ASB18: variants seen among roughly 807,000 people sequenced by gnomAD.
The protein encoded by ASB18 is ankyrin repeat and SOCS box containing 18.
A neutral mutation model predicts 33.4 loss-of-function variants in ASB18; 33 were observed. That is an observed-to-expected ratio of 0.99 (90% CI 0.75 to 1.32). ASB18 has a LOEUF of 1.32. Ranked by LOEUF, ASB18 falls within the 40% of genes most tolerant of loss-of-function variation. ASB18 has a pLI of 0.00. For synonymous variants in ASB18, 295 were observed against 307.6 expected (o/e 0.96, Z 0.43); for missense variants, 694 against 655.5 (o/e 1.06, Z -0.64).
In ASB18 at chr2:236,195,169, C is replaced by T; in HGVS notation, c.1216-112G>A. On this transcript the variant is annotated intron_variant, in intron 5 of 5. Transcript: ENST00000409749. The surrounding 1 kb of genome is among the most constrained non-coding windows in gnomAD (Gnocchi z 5.5). Reference sequence around the variant, plus strand: ...CGGGCTTTTCTATGGCTAACTGATCCCAGATAAGCGCACTGGAGGGAGACG... The same window carrying T: ...CGGGCTTTTCTATGGCTAACTGATCTCAGATAAGCGCACTGGAGGGAGACG... 1.0e-6 allele frequency: 1 copy of T among 980,964 alleles called. No homozygotes were observed. Among genetic ancestry groups the T allele is most frequent in the Non-Finnish European group, 1.5e-6 (1 of 664,458 alleles). 60.8% of individuals were successfully genotyped at this position (980,964 alleles called of 1,614,324 possible).
Position 236,214,680 on chromosome 2 carries a change from A to C in ASB18, c.783T>G (p.Gly261=). 1.8e-6 allele frequency: 2 copies of C among 1,141,986 alleles called. No individual in the cohort carries two copies. The highest frequency in any genetic ancestry group is 1.1e-6 in the Non-Finnish European group (1 of 931,622). 70.7% of individuals were successfully genotyped at this position (1,141,986 alleles called of 1,614,324 possible). Residue 261 remains glycine, a synonymous_variant, in exon 4 of 6, where the codon GGT becomes GGG. Coordinates refer to ENST00000409749, the MANE Select transcript of ASB18 (RefSeq NM_212556.4). The surrounding 1 kb of genome is among the most constrained non-coding windows in gnomAD (Gnocchi z 6.5). ...CGTGCTCGTCGGGCCTCCGCGCCGC[A>C]CCGCAGGCCGCGCTCAGAGCCGTCT... is the stretch of plus-strand genomic sequence containing the variant. The part of the protein sequence containing the change: ...RGETALSAAC[G]AARRPDEHGR...
At position 236,255,392 on chromosome 2, in the gene ASB18, C is replaced by T. The variant is rs1047675748; in HGVS notation, c.205+8749G>A. ...CTCCTGACCTCAGGTGATCTGCCCC[C>T]CTCGGCCTATCAAAGTGCTGGGATT... On this transcript the variant is annotated intron_variant, in intron 1 of 5. Transcript: ENST00000409749. The surrounding 1 kb of genome is among the most constrained non-coding windows in gnomAD (Gnocchi z 4.4). 6.6e-6 allele frequency among the ~76,000 whole-genome samples: 1 copy of T among 152,178 alleles called. No individual in the cohort carries two copies. Among genetic ancestry groups the T allele is most frequent in the Non-Finnish European group, 1.5e-5 (1 of 68,040 alleles).
chr2:236,194,398 T>A lies in ASB18; in HGVS notation c.*474A>T, dbSNP rs945894164. Among the ~76,000 whole-genome samples the A allele has an allele frequency of 6.6e-6, 1 of 152,244 alleles. No individual in the cohort carries two copies. Among genetic ancestry groups the A allele is most frequent in the Non-Finnish European group, 1.5e-5 (1 of 68,040 alleles). ...CTTGCCTTTATTTCAATCTTTACTA[T>A]TAGAATTGTATTGGTCTTTATTTAG... On this transcript the variant is annotated 3_prime_UTR_variant, in exon 6 of 6. Coordinates refer to ENST00000409749, the MANE Select transcript of ASB18 (RefSeq NM_212556.4). This position sits in a 1 kb window ranked among gnomAD's most constrained non-coding sequence, Gnocchi z 4.5.
In ASB18 at chr2:236,255,131, ATTTC is replaced by A. The variant is rs1297901800; in HGVS notation, c.205+9006_205+9009del. ...ACCGTGAGCCAATTAAACCTCTGGT[ATTTC>A]TTTCTTTTTCTTTTTTTTCTTTCTT... On this transcript the variant is annotated intron_variant, in intron 1 of 5. Coordinates refer to ENST00000409749, the MANE Select transcript of ASB18 (RefSeq NM_212556.4). This position sits in a 1 kb window ranked among gnomAD's most constrained non-coding sequence, Gnocchi z 4.4. Among the ~76,000 whole-genome samples the A allele has an allele frequency of 6.6e-6, 1 of 151,852 alleles. No homozygotes were observed. Among genetic ancestry groups the A allele is most frequent in the Non-Finnish European group, 1.5e-5 (1 of 67,980 alleles).
chr2:236,230,607 A>G (rs534278372), intron 3 of ASB18, among the ~76,000 whole-genome samples: 14 of 152,086 alleles, frequency 9.2e-5, no homozygotes, highest in Non-Finnish European at 1.8e-4. Flanking sequence ...ATGGAAGTAT[A>G]CTGCCATACA....
rs1362769452 is a variant in ASB18 at position 236,248,856 on chromosome 2, G to A, written c.206-7454C>T. On this transcript the variant is annotated intron_variant, in intron 1 of 5. Transcript: ENST00000409749. The surrounding 1 kb of genome is among the most constrained non-coding windows in gnomAD (Gnocchi z 4.9). The stretch of plus-strand genomic sequence containing the variant: ...AGGTCTCCACAGGTCAGAGCAACAG[G>A]CCGATTCAATCAATGCCACCAGGCA... The A allele has an allele frequency of 6.6e-6, 1 of 152,178 alleles. No individual in the cohort carries two copies. Among genetic ancestry groups the A allele is most frequent in the Non-Finnish European group, 1.5e-5 (1 of 68,044 alleles). The allele number at this position is 152,178 out of a possible 1,614,324, so 9.4% of individuals were successfully genotyped here. A position where few individuals can be genotyped will look rare whatever the true frequency, so the allele number is the denominator to read the frequency against.
At position 236,208,597 on chromosome 2, in the gene ASB18, C is replaced by G. The variant is rs976253712; in HGVS notation, c.1101+5765G>C. 1.3e-5 allele frequency among the ~76,000 whole-genome samples: 2 copies of G among 152,100 alleles called. No individual in the cohort carries two copies. Among genetic ancestry groups the G allele is most frequent in the African/African-American group, 4.8e-5 (2 of 41,396 alleles). On this transcript the variant is annotated intron_variant, in intron 4 of 5. Coordinates refer to ENST00000409749, the MANE Select transcript of ASB18 (RefSeq NM_212556.4). The surrounding 1 kb of genome is among the most constrained non-coding windows in gnomAD (Gnocchi z 7.7). ...TGGGAAGAGGTGCCCTCCATTAGAG[C>G]AAAAGCACCACCTCCTCCCGCCCCT...
chr2:236,243,942 T>C (rs1359314161), intron 1 of ASB18, among the ~76,000 whole-genome samples: 3 of 152,168 alleles, frequency 2.0e-5, no homozygotes, highest in Non-Finnish European at 4.4e-5. Flanking sequence ...TTCTCTTGCC[T>C]CAGCCTCCTG....
chr2:236,250,155 T>C lies in ASB18; in HGVS notation c.206-8753A>G, dbSNP rs1246681595. The C allele has an allele frequency of 6.6e-6, 1 of 152,246 alleles. No individual in the cohort carries two copies. The highest frequency in any genetic ancestry group is 1.9e-4 in the East Asian group (1 of 5,202). The allele number at this position is 152,246 out of a possible 1,614,324, so 9.4% of individuals were successfully genotyped here. A position where few individuals can be genotyped will look rare whatever the true frequency, so the allele number is the denominator to read the frequency against. ...TGGTAACTATTATTTTCATGTGACA[T>C]TGGGATCTTTTCTTCTTGCCATTGA... is the stretch of plus-strand genomic sequence containing the variant. On this transcript the variant is annotated intron_variant, in intron 1 of 5. Transcript: ENST00000409749. The surrounding 1 kb of genome is among the most constrained non-coding windows in gnomAD (Gnocchi z 4.1).
Position 236,214,420 on chromosome 2 carries a change from G to C in ASB18, c.1043C>G (p.Thr348Arg), listed in dbSNP as rs1461675990. ...SCALQASPQRTVQALLNHGSP... is the reference protein window; with the variant it reads ...SCALQASPQRRVQALLNHGSP... ...GCCGTGGTTGAGCAGCGCCTGCACC[G>C]TGCGCTGCGGTGAGGCCTGGAGAGC... The change falls in exon 4 of 6, where the codon ACG (threonine) becomes AGG (arginine). Residue 348 changes from threonine (T) to arginine (R), a missense_variant. Coordinates refer to ENST00000409749, the MANE Select transcript of ASB18 (RefSeq NM_212556.4). This position sits in a 1 kb window ranked among gnomAD's most constrained non-coding sequence, Gnocchi z 6.5. The C allele has an allele frequency of 6.4e-7, 1 of 1,562,508 alleles. No homozygotes were observed. Among genetic ancestry groups the C allele is most frequent in the Non-Finnish European group, 8.6e-7 (1 of 1,160,808 alleles).
chr2:236,263,514 C>T lies in ASB18; in HGVS notation c.205+627G>A, dbSNP rs1057107171. Reference sequence around the variant, plus strand: ...CTGTCAGAGGGAACAGAAACCCTTGCGGAAAACAATTTGGAACCAATTTAG... The same window carrying T: ...CTGTCAGAGGGAACAGAAACCCTTGTGGAAAACAATTTGGAACCAATTTAG... On this transcript the variant is annotated intron_variant, in intron 1 of 5. Coordinates refer to ENST00000409749, the MANE Select transcript of ASB18 (RefSeq NM_212556.4). This position sits in a 1 kb window ranked among gnomAD's most constrained non-coding sequence, Gnocchi z 4.0. 1.3e-4 allele frequency among the ~76,000 whole-genome samples: 20 copies of T among 151,964 alleles called. No homozygotes were observed. The highest frequency in any genetic ancestry group is 4.4e-4 in the African/African-American group (18 of 41,342).
Position 236,220,809 on chromosome 2 carries a change from A to G in ASB18, c.597-5943T>C, listed in dbSNP as rs2060507488. On this transcript the variant is annotated intron_variant, in intron 3 of 5. Coordinates refer to ENST00000409749, the MANE Select transcript of ASB18 (RefSeq NM_212556.4). The surrounding 1 kb of genome is among the most constrained non-coding windows in gnomAD (Gnocchi z 5.1). ...GGTTCTGTTCTAGGCGTTTTCCACA[A>G]GTTATGAGTGACCTTTTCATTCATT... Among the ~76,000 whole-genome samples, 1 of 152,134 alleles carries G rather than the reference A, an allele frequency of 6.6e-6. No individual in the cohort carries two copies. Among genetic ancestry groups the G allele is most frequent in the Non-Finnish European group, 1.5e-5 (1 of 68,028 alleles).
rs367616347 is a variant in ASB18 at position 236,263,287 on chromosome 2, G to A, written c.205+854C>T. Among the ~76,000 whole-genome samples, 7 of 152,290 alleles carry A rather than the reference G, an allele frequency of 4.6e-5. No individual in the cohort carries two copies. Among genetic ancestry groups the A allele is most frequent in the African/African-American group, 1.4e-4 (6 of 41,554 alleles). Reference sequence around the variant, plus strand: ...CAAGAGATGGAGAGTTCCTGCCCAAGACCCAAATAGACAGGTCTTGCACCT... The same window carrying A: ...CAAGAGATGGAGAGTTCCTGCCCAAAACCCAAATAGACAGGTCTTGCACCT... On this transcript the variant is annotated intron_variant, in intron 1 of 5. Coordinates refer to ENST00000409749, the MANE Select transcript of ASB18 (RefSeq NM_212556.4). This position sits in a 1 kb window ranked among gnomAD's most constrained non-coding sequence, Gnocchi z 4.0.
At position 236,244,634 on chromosome 2, in the gene ASB18, G is replaced by T. The variant is rs1244089999; in HGVS notation, c.206-3232C>A. On this transcript the variant is annotated intron_variant, in intron 1 of 5. Coordinates refer to ENST00000409749, the MANE Select transcript of ASB18 (RefSeq NM_212556.4). The surrounding 1 kb of genome is among the most constrained non-coding windows in gnomAD (Gnocchi z 6.1). ...CCCTACCCCTCGTCAAGTGCCCCCC[G>T]ACCTCTGAGTGCCCAACCAGAGCAG... 6.6e-6 allele frequency among the ~76,000 whole-genome samples: 1 copy of T among 151,196 alleles called. No individual in the cohort carries two copies. The highest frequency in any genetic ancestry group is 6.6e-5 in the Admixed American group (1 of 15,196).
In ASB18 at chr2:236,219,725, C is replaced by A. The variant is rs1378170398; in HGVS notation, c.597-4859G>T. On this transcript the variant is annotated intron_variant, in intron 3 of 5. Transcript: ENST00000409749. The surrounding 1 kb of genome is among the most constrained non-coding windows in gnomAD (Gnocchi z 6.4). ...AGAAATAGCTCAGTAGGGAAAGCATCCCTGAAGCCTTTGCAGGTCTATGTC... is the reference window on the plus strand; with the variant it reads ...AGAAATAGCTCAGTAGGGAAAGCATACCTGAAGCCTTTGCAGGTCTATGTC... Among the ~76,000 whole-genome samples, 20 of 152,042 alleles carry A rather than the reference C, an allele frequency of 1.3e-4. No homozygotes were observed. The highest frequency in any genetic ancestry group is 1.3e-3 in the Admixed American group (20 of 15,272).
Position 236,250,525 on chromosome 2 carries a change from T to C in ASB18, c.206-9123A>G, listed in dbSNP as rs1240958574. The C allele has an allele frequency of 6.6e-6, 1 of 152,260 alleles. No homozygotes were observed. Among genetic ancestry groups the C allele is most frequent in the Non-Finnish European group, 1.5e-5 (1 of 68,048 alleles). The allele number at this position is 152,260 out of a possible 1,614,324, so 9.4% of individuals were successfully genotyped here. A position where few individuals can be genotyped will look rare whatever the true frequency, so the allele number is the denominator to read the frequency against. On this transcript the variant is annotated intron_variant, in intron 1 of 5. Transcript: ENST00000409749. The surrounding 1 kb of genome is among the most constrained non-coding windows in gnomAD (Gnocchi z 4.1). ...TTCTTAAATATGCCAGCGCACGTTG[T>C]TGACCTGGTCAATTTCCTTCACCCC...
rs980733558 is a variant in ASB18, at chr2:236,259,232, A to G, written c.205+4909T>C. ...TCTTTGCAGAAACCCAAATCCCAATAGTGTCTGTGGAAATGCAGTCTGTGC... is the reference window on the plus strand; with the variant it reads ...TCTTTGCAGAAACCCAAATCCCAATGGTGTCTGTGGAAATGCAGTCTGTGC... On this transcript the variant is annotated intron_variant, in intron 1 of 5. Coordinates refer to ENST00000409749, the MANE Select transcript of ASB18 (RefSeq NM_212556.4). The surrounding 1 kb of genome is among the most constrained non-coding windows in gnomAD (Gnocchi z 4.4). Among the ~76,000 whole-genome samples, 1 of 152,346 alleles carries G rather than the reference A, an allele frequency of 6.6e-6. No individual in the cohort carries two copies. The highest frequency in any genetic ancestry group is 1.5e-5 in the Non-Finnish European group (1 of 68,024).
rs2060699141 is a variant in ASB18, at chr2:236,257,652, G to A, written c.205+6489C>T. On this transcript the variant is annotated intron_variant, in intron 1 of 5. Coordinates refer to ENST00000409749, the MANE Select transcript of ASB18 (RefSeq NM_212556.4). The surrounding 1 kb of genome is among the most constrained non-coding windows in gnomAD (Gnocchi z 5.5). ...ACGTTCCTGCAAAATGTCTCTGGGT[G>A]GGTAGGCAGCAAGAGCCCCTGACTA... 6.6e-6 allele frequency among the ~76,000 whole-genome samples: 1 copy of A among 152,162 alleles called. No homozygotes were observed.
intron 1 of ASB18, among the ~76,000 whole-genome samples, chr2:236,258,304 A>G (rs1175888121): frequency 6.6e-6 from 1 of 152,224 alleles, no homozygotes; most frequent in Non-Finnish European, 1.5e-5. Context: ...AGTTAGTCCA[A>G]TTGGTAAAGA....
Sources: allele counts gnomAD v4.1 joint callset (sites outside exome capture counted in the v4.1 genomes callset), GRCh38; gene constraint gnomAD v4.1.1; non-coding constraint Gnocchi (gnomAD v3.1); transcripts MANE v1.5; gene names NCBI Gene and HGNC (gene_info 2026-07-23, HGNC 2026-07-21).